The following BABAM2 variants were observed in gnomAD, a reference collection of about 807,000 sequenced individuals.
The protein encoded by BABAM2 is BRISC and BRCA1-A complex member 2.
In BABAM2, 31 loss-of-function variants were observed where a neutral mutation model predicts 54.7. The ratio of observed to expected loss-of-function variants is 0.57; its 90% CI spans 0.43 to 0.77. The LOEUF (loss-of-function observed/expected upper bound fraction) is 0.77, where lower values mean the gene tolerates loss of function less well. Ranked by LOEUF, BABAM2 falls within the 30% of genes least tolerant of loss-of-function variation. The probability of loss-of-function intolerance (pLI) is 0.00; values close to 1 mark genes in which losing one functional copy is unlikely to be tolerated. For synonymous variants in BABAM2, 167 were observed against 162.9 expected (o/e 1.03, Z -0.19); for missense variants, 364 against 455.8 (o/e 0.80, Z 1.83).
At chr2:28,068,508 A>T (rs1156694280) in intron 6 of BABAM2, among the ~76,000 whole-genome samples, 1 of 152,224 alleles carries the variant, frequency 6.6e-6, no homozygotes, top group Non-Finnish European at 1.5e-5. Flanking sequence ...AGACAATTTG[A>T]TATTAGTTTA....
At chr2:27,976,087 T>C (rs1416212687) in intron 3 of BABAM2, among the ~76,000 whole-genome samples, 1 of 152,126 alleles carries the variant, frequency 6.6e-6, no homozygotes, top group Non-Finnish European at 1.5e-5. Flanking sequence ...GTGTAGAAAC[T>C]GGAACTCTCA....
At chr2:28,013,253 C>T (rs11127132) in intron 4 of BABAM2, 81,304 of 414,466 alleles carry the variant, frequency 0.2, 11,288 homozygotes, top group East Asian at 0.62. Flanking sequence ...ATTCTGACAC[C>T]CTGGCACAAA....
At chr2:28,294,565 A>T (rs1687535308) in intron 10 of BABAM2, among the ~76,000 whole-genome samples, 1 of 152,190 alleles carries the variant, frequency 6.6e-6, no homozygotes, top group African/African-American at 2.4e-5. Context: ...GCAAAAGTTA[A>T]GTGACAGAAA....
intron 7 of BABAM2, among the ~76,000 whole-genome samples, chr2:28,179,517 TATC>T (rs572320802): frequency 1.5e-4 from 23 of 152,074 alleles, no homozygotes; most frequent in Non-Finnish European, 3.2e-4. Flanking sequence ...CCATAGCTAA[TATC>T]ATACCAAATG....
intron 3 of BABAM2, among the ~76,000 whole-genome samples, chr2:27,979,663 G>A (rs963446068): frequency 6.6e-6 from 1 of 152,126 alleles, no homozygotes; most frequent in African/African-American, 2.4e-5. Context: ...CATTCTGACT[G>A]ATGTTAGATG....
rs1690093090 is a variant in BABAM2, at chr2:28,322,379, A to C, written c.1089-16071A>C. Among the ~76,000 whole-genome samples the C allele has an allele frequency of 1.3e-5, 2 of 152,232 alleles. No individual in the cohort carries two copies. The highest frequency in any genetic ancestry group is 4.8e-5 in the African/African-American group (2 of 41,472). ...TTTATGTAAGATTGCTTCATTCCAG[A>C]GAGCAGAACTGGGATCCATGGGCAG... On this transcript the variant is annotated intron_variant, in intron 11 of 11. Transcript: ENST00000379624. The surrounding 1 kb of genome is among the most constrained non-coding windows in gnomAD (Gnocchi z 4.1).
At chr2:27,919,075 A>G (rs998838793) in intron 2 of BABAM2, among the ~76,000 whole-genome samples, 4 of 152,172 alleles carry the variant, frequency 2.6e-5, no homozygotes, top group African/African-American at 9.7e-5. Flanking sequence ...AGCTTTCTGC[A>G]TAGAGATCTT....
chr2:28,310,058 G>A, intron 11 of BABAM2: 1 of 1,612,060 alleles, frequency 6.2e-7, no homozygotes, highest in Non-Finnish European at 8.5e-7. Context: ...ATCTTAAAGG[G>A]ATTTGGTTTG....
chr2:28,025,581 T>C, intron 5 of BABAM2, 161 bp downstream of exon 5: 1 of 660,386 alleles, frequency 1.5e-6, no homozygotes, highest in Non-Finnish European at 2.3e-6. Flanking sequence ...TTAATGTTTG[T>C]CTAGTTCATT....
rs1678901397 is a variant in BABAM2, at chr2:28,061,822, CA to C, written c.570+16025del. Among the ~76,000 whole-genome samples the C allele has an allele frequency of 3.3e-5, 5 of 151,752 alleles. No homozygotes were observed. In the South Asian group the frequency reaches 1.0e-3, roughly 31 times the overall value. ...TTCTAATTTCAGATAGGCTAAATGT[CA>C]ACAGAGATAGCACACATAAATAGGA... On this transcript the variant is annotated intron_variant, in intron 6 of 11. Coordinates refer to ENST00000379624, the MANE Select transcript of BABAM2 (RefSeq NM_199191.3).
chr2:28,111,344 G>A (rs1187569949), intron 6 of BABAM2, among the ~76,000 whole-genome samples: 2 of 151,812 alleles, frequency 1.3e-5, no homozygotes, highest in Admixed American at 6.6e-5. Flanking sequence ...TTTGAATTGA[G>A]GTTGTTTGGT....
intron 10 of BABAM2, among the ~76,000 whole-genome samples, chr2:28,266,013 C>T (rs905522211): frequency 8.6e-5 from 13 of 150,916 alleles, no homozygotes; most frequent in Admixed American, 7.3e-4. Context: ...GAGATGGGGA[C>T]TCACTATGTT....
At chr2:28,184,186 C>T (rs1258604166) in intron 7 of BABAM2, among the ~76,000 whole-genome samples, 1 of 151,454 alleles carries the variant, frequency 6.6e-6, no homozygotes, top group Non-Finnish European at 1.5e-5. Context: ...AGGACTGCCT[C>T]CTATTGTTCA....
At chr2:28,250,655 A>G (rs1683384008) in intron 10 of BABAM2, among the ~76,000 whole-genome samples, 1 of 145,986 alleles carries the variant, frequency 6.8e-6, no homozygotes, top group Admixed American at 7.2e-5. Flanking sequence ...GCTGGAGTGC[A>G]GTGGCACGAT....
chr2:28,285,093 A>G (rs1198549222), intron 10 of BABAM2, among the ~76,000 whole-genome samples: 1 of 152,166 alleles, frequency 6.6e-6, no homozygotes, highest in Non-Finnish European at 1.5e-5. Flanking sequence ...TCTTCCCAGT[A>G]TGCCATCCCT....
intron 5 of BABAM2, among the ~76,000 whole-genome samples, chr2:28,026,886 A>ATAAATATATATT (rs1558667477): frequency 1.9e-5 from 1 of 52,584 alleles, no homozygotes; most frequent in African/African-American, 9.5e-5. Context: ...ATATATATAT[A>ATAAATATATATT]GATATATATA....
intron 7 of BABAM2, among the ~76,000 whole-genome samples, chr2:28,212,982 G>T (rs1397397859): frequency 1.3e-5 from 2 of 152,176 alleles, no homozygotes; most frequent in Non-Finnish European, 2.9e-5. Context: ...ACTTTGGGAG[G>T]CCAAGGTGGG....
rs1044374216 is a variant in BABAM2, at chr2:27,894,596, C to T, written c.40C>T (p.Leu14Phe). 2.5e-6 allele frequency: 4 copies of T among 1,613,972 alleles called. No homozygotes were observed. Among genetic ancestry groups the T allele is most frequent in the Middle Eastern group, 1.6e-4 (1 of 6,062 alleles). ...GGCCTTGAACCGAATATCTCCAATG[C>T]TCTCCCCTTTCATATCTAGCGTGGT... ...EVALNRISPM[L>F]SPFISSVVRN... Residue 14 changes from leucine to phenylalanine, a missense_variant, in exon 2 of 12, where the codon CTC (leucine) becomes TTC (phenylalanine). Leu to Phe is a conservative substitution (Grantham distance 22, BLOSUM62 0). Coordinates refer to ENST00000379624, the MANE Select transcript of BABAM2 (RefSeq NM_199191.3).
intron 5 of BABAM2, among the ~76,000 whole-genome samples, chr2:28,030,985 A>G (rs1676256350): frequency 3.3e-5 from 5 of 152,248 alleles, no homozygotes; most frequent in Admixed American, 3.3e-4. Flanking sequence ...TATAAATAAC[A>G]ACATCCTGGA....
Sources: allele counts gnomAD v4.1 joint callset (sites outside exome capture counted in the v4.1 genomes callset), GRCh38; gene constraint gnomAD v4.1.1; non-coding constraint Gnocchi (gnomAD v3.1); transcripts MANE v1.5; gene names NCBI Gene and HGNC (gene_info 2026-07-23, HGNC 2026-07-21).